LRP2: variants seen among roughly 807,000 people sequenced by gnomAD.
LRP2 encodes the protein low-density lipoprotein receptor-related protein 2.
Under a neutral mutation model 531.0 loss-of-function variants are expected in LRP2, and 172 were observed. That is an observed-to-expected ratio of 0.32 (90% CI 0.29 to 0.37). The LOEUF is 0.37. Among genes scored for constraint, LRP2 ranks in the 10% least tolerant of loss-of-function variants. The probability of loss-of-function intolerance (pLI) is 1.00; values close to 1 mark genes in which losing one functional copy is unlikely to be tolerated. For missense variants in LRP2, 5,167 were observed against 5,868.3 expected, an observed-to-expected ratio of 0.88 and a Z score of 3.90; for synonymous variants, 1,992 against 2,027.6, an observed-to-expected ratio of 0.98 and a Z score of 0.47.
intron 16 of LRP2, among the ~76,000 whole-genome samples, chr2:169,264,627 G>A (rs1690718810): frequency 6.6e-6 from 1 of 152,054 alleles, no homozygotes; most frequent in Non-Finnish European, 1.5e-5. Flanking sequence ...AGGTATTGGA[G>A]GAGTGATAAC....
At chr2:169,287,854 AATATTAAAATTTTAATAT>A (rs1178585709) in intron 9 of LRP2, among the ~76,000 whole-genome samples, 35 of 91,604 alleles carry the variant, frequency 3.8e-4, no homozygotes, top group African/African-American at 1.3e-3. Context: ...TTAATATTTT[AATATTAAAATTTTAATAT>A]TTTAATAATA....
At chr2:169,182,806 C>T (rs1183389919) in intron 50 of LRP2, among the ~76,000 whole-genome samples, 1 of 152,180 alleles carries the variant, frequency 6.6e-6, no homozygotes. Context: ...GACATCCCTG[C>T]CTCTGTCAGA....
chr2:169,313,279 G>A (rs1684667888), intron 3 of LRP2, among the ~76,000 whole-genome samples: 1 of 152,210 alleles, frequency 6.6e-6, no homozygotes, highest in Admixed American at 6.5e-5. Context: ...TGAAGGAGAA[G>A]AGGTGCTCTG....
intron 1 of LRP2, among the ~76,000 whole-genome samples, chr2:169,346,509 G>A (rs992051465): frequency 2.6e-5 from 4 of 151,954 alleles, no homozygotes; most frequent in African/African-American, 7.3e-5. Context: ...TCAATTTTAT[G>A]CATTTGCAAA....
intron 1 of LRP2, among the ~76,000 whole-genome samples, chr2:169,324,273 G>A (rs1394045147): frequency 1.3e-5 from 2 of 151,988 alleles, no homozygotes; most frequent in South Asian, 2.1e-4. Flanking sequence ...TCCAGCATTC[G>A]TGCTACTTGA....
At chr2:169,236,407 T>C (rs1689607291) in intron 28 of LRP2, among the ~76,000 whole-genome samples, 2 of 152,238 alleles carry the variant, frequency 1.3e-5, no homozygotes, top group South Asian at 4.1e-4. Flanking sequence ...TGTCCTTGTT[T>C]GTCTACCCTG....
intron 7 of LRP2, 53 bp from the exon 8 acceptor site, chr2:169,291,050 C>T: frequency 6.5e-7 from 1 of 1,545,250 alleles, no homozygotes; most frequent in Non-Finnish European, 8.9e-7. Flanking sequence ...ACAGCCAGCT[C>T]TTTGTTAATC....
chr2:169,153,068 C>A, intron 66 of LRP2, 104 bp from the exon 67 acceptor site: 1 of 957,476 alleles, frequency 1.0e-6, no homozygotes, highest in Non-Finnish European at 1.7e-6. Flanking sequence ...GACATCTCTA[C>A]CTCCCTCCTC....
chr2:169,308,278 G>A (rs544276981), intron 3 of LRP2, among the ~76,000 whole-genome samples: 2 of 151,996 alleles, frequency 1.3e-5, no homozygotes, highest in East Asian at 3.9e-4. Context: ...CAGCGTGCAG[G>A]TTTGTTACAT....
intron 76 of LRP2, among the ~76,000 whole-genome samples, chr2:169,135,763 G>A (rs1685480660): frequency 6.6e-6 from 1 of 152,048 alleles, no homozygotes; most frequent in South Asian, 2.1e-4. Flanking sequence ...TTTTTATTAA[G>A]CCCCAGTCTC....
intron 1 of LRP2, among the ~76,000 whole-genome samples, chr2:169,339,090 C>A (rs775485726): frequency 5.4e-5 from 8 of 146,798 alleles, no homozygotes; most frequent in Non-Finnish European, 1.2e-4. Flanking sequence ...ATATTGTCTC[C>A]CTCTCAATTC....
intron 56 of LRP2, among the ~76,000 whole-genome samples, chr2:169,173,459 G>A (rs990043340): frequency 1.3e-5 from 2 of 152,174 alleles, no homozygotes; most frequent in African/African-American, 4.8e-5. Context: ...CTTTGTGGGT[G>A]GGGTTGGGGA....
chr2:169,173,011 TACAC>T, intron 57 of LRP2, 81 bp downstream of exon 57: 4 of 1,509,850 alleles, frequency 2.6e-6, no homozygotes, highest in African/African-American at 1.4e-5. Flanking sequence ...ACATGGGAAA[TACAC>T]TCTCATCTCT....
Position 169,290,916 on chromosome 2 carries a change from T to C in LRP2, c.851A>G (p.Lys284Arg), listed in dbSNP as rs1683982124. ...PESGRCISIY[K>R]VCDGILDCPG... ...GCAATCTAAAATCCCATCACAAACT[T>C]TATAAATGGAGATGCATCGTCCCGA... The change falls in exon 8 of 79, where the codon AAA (lysine) becomes AGA (arginine). Residue 284 changes from lysine (K) to arginine (R), a missense_variant. By Grantham distance (26) the Lys-to-Arg change is conservative. Around this residue, in one of 6 missense-constraint regions of LRP2, gnomAD observed 2,811 missense variants for 3,058.0 expected, o/e 0.92. Transcript: ENST00000649046. 6.2e-7 allele frequency: 1 copy of C among 1,614,034 alleles called. No individual in the cohort carries two copies. The highest frequency in any genetic ancestry group is 1.3e-5 in the African/African-American group (1 of 74,924).
intron 4 of LRP2, among the ~76,000 whole-genome samples, chr2:169,306,573 G>C (rs1684425956): frequency 6.6e-6 from 1 of 151,988 alleles, no homozygotes; most frequent in African/African-American, 2.4e-5. Context: ...GAGAAACTGT[G>C]GTATGCCTGA....
At chr2:169,217,280 T>C (rs1196782887) in intron 34 of LRP2, among the ~76,000 whole-genome samples, 1 of 152,116 alleles carries the variant, frequency 6.6e-6, no homozygotes, top group Non-Finnish European at 1.5e-5. Flanking sequence ...TAGTCTTTAT[T>C]CACCTACCTC....
At chr2:169,147,073 T>C in intron 68 of LRP2, 114 bp from the exon 69 acceptor site, 1 of 824,280 alleles carries the variant, frequency 1.2e-6, no homozygotes, top group Non-Finnish European at 2.0e-6. Flanking sequence ...GGGACCTGGG[T>C]GCTCAGTGAC....
rs62172656 is a variant in LRP2 at position 169,256,408 on chromosome 2, C to T, written c.2640-172G>A. On this transcript the variant is annotated intron_variant, in intron 18 of 78. Transcript: ENST00000649046. ...CAGTTTTATGTCCCCCAGAAAGAGA[C>T]GGCTACTTTTCATGAAGTGGCTTTC... Among the ~76,000 whole-genome samples, 5,683 of 151,952 alleles carry T rather than the reference C, an allele frequency of 0.037. 153 individuals are homozygous for T. Among genetic ancestry groups the T allele is most frequent in the South Asian group, 0.099 (474 of 4,796 alleles).
At chr2:169,247,720 A>AGGGTTC (rs1690066673) in intron 19 of LRP2, among the ~76,000 whole-genome samples, 2 of 152,212 alleles carry the variant, frequency 1.3e-5, no homozygotes. Context: ...TAATAATATC[A>AGGGTTC]GGGTTCAGGT....
Sources: gnomAD v4.1 joint callset for allele counts (sites outside exome capture counted in the v4.1 genomes callset) on GRCh38, gnomAD v4.1.1 for gene constraint, gnomAD v4.1.1 regional missense constraint, MANE v1.5 for transcripts, NCBI Gene and HGNC (gene_info 2026-07-23, HGNC 2026-07-21) for gene names.